The following VRK2 variants were observed in gnomAD, a reference collection of about 807,000 sequenced individuals.
The protein encoded by VRK2 is VRK serine/threonine kinase 2, also known as serine/threonine-protein kinase VRK2.
Under a neutral mutation model 57.6 loss-of-function variants are expected in VRK2, and 60 were observed. That is an observed-to-expected ratio of 1.04 (90% CI 0.85 to 1.29). The LOEUF (loss-of-function observed/expected upper bound fraction) is 1.29. Among genes scored for constraint, VRK2 ranks in the 50% most tolerant of loss-of-function variants. The pLI is 0.00. For synonymous variants in VRK2, 231 were observed against 199.2 expected (o/e 1.16, Z -1.35); for missense variants, 705 against 588.1 (o/e 1.20, Z -2.06).
chr2:58,033,499 A>G (rs1036222920), exon 3 of VRK2: 4 of 152,066 alleles, frequency 2.6e-5, no homozygotes, highest in African/African-American at 7.2e-5. Context: ...TAGAGCCTCA[A>G]GAAGGAACAC....
intron 1 of VRK2, among the ~76,000 whole-genome samples, chr2:58,004,047 T>C (rs1343330690): frequency 6.6e-6 from 1 of 152,156 alleles, no homozygotes; most frequent in Non-Finnish European, 1.5e-5. Flanking sequence ...AATTCAAAGA[T>C]TAATAGTTTT....
In VRK2 at chr2:58,080,937, T is replaced by C. The variant is rs538826201; in HGVS notation, c.137-3152T>C. On this transcript the variant is annotated intron_variant, in intron 2 of 12. Coordinates refer to ENST00000340157, the MANE Select transcript of VRK2 (RefSeq NM_006296.7). The stretch of plus-strand genomic sequence containing the variant: ...AAAATTCAGAATTGTTACTTCCTCT[T>C]GTGTAATTTCTTTTGTGTTTCTGTA... Among the ~76,000 whole-genome samples, 240 of 152,080 alleles carry C rather than the reference T, an allele frequency of 1.6e-3. 1 individual carries two copies. Among genetic ancestry groups the C allele is most frequent in the African/African-American group, 5.6e-3 (234 of 41,536 alleles).
intron 2 of VRK2, among the ~76,000 whole-genome samples, chr2:58,067,118 CAT>C (rs1461558058): frequency 1.3e-5 from 2 of 152,186 alleles, no homozygotes; most frequent in African/African-American, 4.8e-5. Flanking sequence ...GATTGACTGA[CAT>C]AAAGACTGCA....
intron 7 of VRK2, among the ~76,000 whole-genome samples, chr2:58,114,869 A>G (rs995007981): frequency 1.3e-5 from 2 of 152,190 alleles, no homozygotes; most frequent in African/African-American, 4.8e-5. Flanking sequence ...TTATTCAGTG[A>G]AAGCGTCTAT....
chr2:58,083,904 G>A (rs925281988), intron 2 of VRK2, among the ~76,000 whole-genome samples, 185 bp from the exon 3 acceptor site: 9 of 151,756 alleles, frequency 5.9e-5, no homozygotes, highest in Non-Finnish European at 1.0e-4. Flanking sequence ...TTTATTCAAC[G>A]TCTCAAACTT....
chr2:58,150,796 C>G (rs1177261563), intron 12 of VRK2, among the ~76,000 whole-genome samples: 1 of 151,082 alleles, frequency 6.6e-6, no homozygotes, highest in African/African-American at 2.4e-5. Context: ...TGTGCTTTGG[C>G]TGTCTATTTC....
rs138002183 is a variant in VRK2 at position 58,066,889 on chromosome 2, T to C, written c.137-17200T>C. Reference sequence around the variant, plus strand: ...CTTGATTGGATTGAAGGATGTGAAGTATTATCCCTGGATATGTCTGTGAGG... The same window carrying C: ...CTTGATTGGATTGAAGGATGTGAAGCATTATCCCTGGATATGTCTGTGAGG... On this transcript the variant is annotated intron_variant, in intron 2 of 12. Transcript: ENST00000340157. 8.8e-4 allele frequency among the ~76,000 whole-genome samples: 134 copies of C among 152,306 alleles called. 1 individual carries two copies. The South Asian group carries it at 0.013, about 15-fold the overall frequency.
chr2:58,142,967 A>G (rs1201727035), intron 11 of VRK2, among the ~76,000 whole-genome samples: 1 of 151,930 alleles, frequency 6.6e-6, no homozygotes, highest in Admixed American at 6.6e-5. Context: ...TAGGCAGAGA[A>G]GTAGCTGCAG....
chr2:58,020,595 T>C (rs1673724820), intron 1 of VRK2, among the ~76,000 whole-genome samples: 1 of 152,242 alleles, frequency 6.6e-6, no homozygotes, highest in African/African-American at 2.4e-5. Context: ...TCTATGTAAG[T>C]GTATGTACAT....
chr2:58,086,408 C>T lies in VRK2; in HGVS notation c.326C>T (p.Thr109Ile). 1 of 1,598,138 alleles carries T rather than the reference C, an allele frequency of 6.3e-7. No homozygotes were observed. Among genetic ancestry groups the T allele is most frequent in the Non-Finnish European group, 8.5e-7 (1 of 1,175,116 alleles). ...GIPLFYGSGL[T>I]EFKGRSYRFM... ...CCTCTGTTTTATGGATCTGGTCTGA[C>T]TGAATTCAAGGGAAGAAGGTAAAAT... The change falls in exon 5 of 13, where the codon ACT becomes ATT. Residue 109 changes from threonine to isoleucine, a missense_variant. Physicochemically the swap from Thr to Ile is moderately conservative, Grantham distance 89 (BLOSUM62 -1). Coordinates refer to ENST00000340157, the MANE Select transcript of VRK2 (RefSeq NM_006296.7).
intron 1 of VRK2, among the ~76,000 whole-genome samples, chr2:58,010,516 A>C (rs1401101): frequency 1.3e-5 from 2 of 151,970 alleles, no homozygotes; most frequent in African/African-American, 4.8e-5. Context: ...CTCAATGGAT[A>C]AGGGCAACTT....
At chr2:58,019,284 A>T (rs1673676012) in intron 1 of VRK2, among the ~76,000 whole-genome samples, 1 of 152,242 alleles carries the variant, frequency 6.6e-6, no homozygotes, top group South Asian at 2.1e-4. Flanking sequence ...TTTAAGTGTC[A>T]GGGTAGTGCC....
At chr2:58,001,236 C>A (rs1047780969) in intron 1 of VRK2, among the ~76,000 whole-genome samples, 2 of 152,156 alleles carry the variant, frequency 1.3e-5, no homozygotes, top group Non-Finnish European at 2.9e-5. Flanking sequence ...AATCAGGTTT[C>A]AAAGTGTACC....
intron 7 of VRK2, among the ~76,000 whole-genome samples, chr2:58,093,349 T>G (rs1191657293): frequency 6.6e-6 from 1 of 151,860 alleles, no homozygotes; most frequent in African/African-American, 2.4e-5. Flanking sequence ...TTTTAATGAT[T>G]GCCATTCTAA....
chr2:57,929,758 G>T (rs917205003), intron 1 of VRK2, among the ~76,000 whole-genome samples: 2 of 152,038 alleles, frequency 1.3e-5, no homozygotes, highest in African/African-American at 2.4e-5. Context: ...AGGGTCCAAG[G>T]CTCTTTAGTC....
At chr2:57,995,205 T>C (rs1054665434) in intron 1 of VRK2, among the ~76,000 whole-genome samples, 1 of 152,206 alleles carries the variant, frequency 6.6e-6, no homozygotes, top group African/African-American at 2.4e-5. Flanking sequence ...AAATTTTGAA[T>C]GGCTCTTTCA....
chr2:57,958,413 G>T (rs1671650287), intron 1 of VRK2, among the ~76,000 whole-genome samples: 1 of 150,674 alleles, frequency 6.6e-6, no homozygotes, highest in African/African-American at 2.5e-5. Context: ...GTGTGTATGT[G>T]TGTGTGTGTG....
At chr2:58,147,996 T>C (rs946998893) in intron 12 of VRK2, among the ~76,000 whole-genome samples, 109 of 152,000 alleles carry the variant, frequency 7.2e-4, no homozygotes, top group African/African-American at 2.5e-3. Flanking sequence ...ACCATGAATA[T>C]AGTTGCTACA....
At chr2:58,108,941 G>C (rs368923112) in intron 7 of VRK2, among the ~76,000 whole-genome samples, 1 of 152,098 alleles carries the variant, frequency 6.6e-6, no homozygotes, top group African/African-American at 2.4e-5. Flanking sequence ...ATTCTCAAAA[G>C]ATCTTAAAAT....
Sources: gnomAD v4.1 joint callset for allele counts (sites outside exome capture counted in the v4.1 genomes callset) on GRCh38, gnomAD v4.1.1 for gene constraint, MANE v1.5 for transcripts, NCBI Gene and HGNC (gene_info 2026-07-23, HGNC 2026-07-21) for gene names.